USP37: variants seen among roughly 807,000 people sequenced by gnomAD.
The protein encoded by USP37 is ubiquitin specific peptidase 37.
USP37 carries 27 observed loss-of-function variants against 124.0 expected under a neutral mutation model. The observed-to-expected ratio is 0.22, with a 90% confidence interval of 0.16 to 0.30. The LOEUF (loss-of-function observed/expected upper bound fraction) is 0.30, where lower values mean the gene tolerates loss of function less well. USP37 is among the 10% of genes least tolerant of loss of function. USP37 has a pLI of 1.00. For synonymous variants in USP37, 365 were observed against 388.0 expected (o/e 0.94, Z 0.70); for missense variants, 889 against 1,140.4 (o/e 0.78, Z 3.17).
At chr2:218,537,648 G>A (rs526134) in intron 8 of USP37, among the ~76,000 whole-genome samples, 92,185 of 152,126 alleles carry the variant, frequency 0.61, 28,140 homozygotes, top group East Asian at 0.78. Context: ...AGATGTAGGT[G>A]ATATCAGGTA....
At chr2:218,478,080 T>G (rs1292017709) in intron 18 of USP37, among the ~76,000 whole-genome samples, 1 of 152,086 alleles carries the variant, frequency 6.6e-6, no homozygotes, top group African/African-American at 2.4e-5. Context: ...TTAACCTGAA[T>G]GTAAAAACTG....
At chr2:218,508,779 G>A (rs557578181) in intron 11 of USP37, among the ~76,000 whole-genome samples, 1 of 152,214 alleles carries the variant, frequency 6.6e-6, no homozygotes, top group Non-Finnish European at 1.5e-5. Flanking sequence ...AAAGGAGAGT[G>A]AATTGTTTTC....
At position 218,454,894 on chromosome 2, in the gene USP37, T is replaced by C. The variant is rs1182431622; in HGVS notation, c.*36A>G. On this transcript the variant is annotated 3_prime_UTR_variant, in exon 26 of 26. Coordinates refer to ENST00000258399, the MANE Select transcript of USP37 (RefSeq NM_020935.3). ...AGGTGAGGTGGGCAGCAGTAACAAA[T>C]ATGCAGTGCATGCTGCCAACCCAGG... is the stretch of plus-strand genomic sequence containing the variant. 1 of 1,607,660 alleles carries C rather than the reference T, an allele frequency of 6.2e-7. No individual in the cohort carries two copies. Among genetic ancestry groups the C allele is most frequent in the Non-Finnish European group, 8.5e-7 (1 of 1,178,244 alleles).
chr2:218,500,964 C>A (rs952668465), intron 11 of USP37: 1 of 165,982 alleles, frequency 6.0e-6, no homozygotes. Flanking sequence ...ACCCGCCTAG[C>A]CAGTCAGATC....
intron 23 of USP37, among the ~76,000 whole-genome samples, chr2:218,457,488 A>C (rs772382308): frequency 2.0e-5 from 3 of 152,192 alleles, no homozygotes; most frequent in Non-Finnish European, 2.9e-5. Context: ...GTTATATAAA[A>C]AAACTACATG....
At position 218,498,130 on chromosome 2, in the gene USP37, A is replaced by G; in HGVS notation, c.1053T>C (p.Tyr351=). Residue 351 remains tyrosine, a synonymous_variant, in exon 12 of 26, where the codon TAT becomes TAC. Coordinates refer to ENST00000258399, the MANE Select transcript of USP37 (RefSeq NM_020935.3). ...QGFSNLGNTC[Y]MNAILQSLFS... ...ATAGAGATTGTAGAATAGCATTCATATAGCAGGTATTTCCCAAATTGGAGA... is the reference window on the plus strand; with the variant it reads ...ATAGAGATTGTAGAATAGCATTCATGTAGCAGGTATTTCCCAAATTGGAGA... 1 of 1,595,528 alleles carries G rather than the reference A, an allele frequency of 6.3e-7. No individual in the cohort carries two copies. Among genetic ancestry groups the G allele is most frequent in the Non-Finnish European group, 8.5e-7 (1 of 1,175,690 alleles).
intron 13 of USP37, among the ~76,000 whole-genome samples, chr2:218,497,181 C>T (rs1002010822): frequency 2.0e-5 from 3 of 152,156 alleles, no homozygotes; most frequent in Non-Finnish European, 2.9e-5. Context: ...AGAGATTCTC[C>T]GGCCTCAGCT....
chr2:218,539,424 C>G (rs79813369), intron 8 of USP37, among the ~76,000 whole-genome samples: 2,755 of 152,172 alleles, frequency 0.018, 89 homozygotes, highest in African/African-American at 0.062. Flanking sequence ...GCATAAGATT[C>G]TTTTTATTGG....
intron 10 of USP37, among the ~76,000 whole-genome samples, chr2:218,523,959 G>A (rs1690806513): frequency 6.6e-6 from 1 of 152,092 alleles, no homozygotes; most frequent in South Asian, 2.1e-4. Context: ...TTAAGTTTTT[G>A]ACAGATAACT....
rs1692984586 is a variant in USP37 at position 218,556,506 on chromosome 2, T to TG, written c.156+1991_156+1992insC. Reference sequence around the variant, plus strand: ...TTTGGTTACTCTGGGTTTTTCTGTTTTTTTTTTTTTTTTTTTTTTTTTTTG... The same window carrying TG: ...TTTGGTTACTCTGGGTTTTTCTGTTTGTTTTTTTTTTTTTTTTTTTTTTTTG... On this transcript the variant is annotated intron_variant, in intron 4 of 25. Coordinates refer to ENST00000258399, the MANE Select transcript of USP37 (RefSeq NM_020935.3). Among the ~76,000 whole-genome samples, 6 of 128,700 alleles carry TG rather than the reference T, an allele frequency of 4.7e-5. No individual in the cohort carries two copies. In the Admixed American group the frequency reaches 4.7e-4, roughly 10 times the overall value. 84.4% of individuals were successfully genotyped at this position (128,700 alleles called of 152,430 possible). A position where few individuals can be genotyped will look rare whatever the true frequency, so the allele number is the denominator to read the frequency against.
intron 22 of USP37, among the ~76,000 whole-genome samples, chr2:218,461,273 C>T (rs1378715379): frequency 3.3e-5 from 5 of 151,826 alleles, no homozygotes; most frequent in African/African-American, 4.8e-5. Flanking sequence ...TTTGGGAGGC[C>T]GAGGCAGGTG....
At chr2:218,532,792 T>C (rs564349129) in intron 9 of USP37, among the ~76,000 whole-genome samples, 2 of 151,966 alleles carry the variant, frequency 1.3e-5, no homozygotes, top group South Asian at 4.2e-4. Flanking sequence ...TAGCTGGGCA[T>C]GGTGGTGTGC....
chr2:218,491,783 T>C (rs1688794023), intron 14 of USP37, among the ~76,000 whole-genome samples: 1 of 152,024 alleles, frequency 6.6e-6, no homozygotes, highest in South Asian at 2.1e-4. Flanking sequence ...AAAGAGGAAA[T>C]ACATAGTAGG....
chr2:218,478,716 T>C (rs766817588), intron 18 of USP37, among the ~76,000 whole-genome samples: 23 of 152,212 alleles, frequency 1.5e-4, no homozygotes, highest in Non-Finnish European at 2.8e-4. Flanking sequence ...CCTGTAGCAA[T>C]GAAAAATATT....
At chr2:218,515,881 A>G (rs1331908624) in intron 10 of USP37, among the ~76,000 whole-genome samples, 2 of 152,244 alleles carry the variant, frequency 1.3e-5, no homozygotes, top group African/African-American at 4.8e-5. Context: ...TGGGTGAAGG[A>G]TATGAACAGA....
At chr2:218,549,315 G>A (rs1692535907) in intron 6 of USP37, among the ~76,000 whole-genome samples, 1 of 152,074 alleles carries the variant, frequency 6.6e-6, no homozygotes, top group South Asian at 2.1e-4. Flanking sequence ...AGTGGACTAA[G>A]TGATCACCTC....
intron 8 of USP37, among the ~76,000 whole-genome samples, chr2:218,537,968 T>C (rs523305): frequency 0.66 from 100,778 of 152,110 alleles, 33,843 homozygotes; most frequent in East Asian, 0.9. Flanking sequence ...AGGAGCTAAG[T>C]GCTATCACAC....
intron 25 of USP37, 100 bp from the exon 26 acceptor site, chr2:218,455,117 C>G: frequency 7.4e-7 from 1 of 1,349,260 alleles, no homozygotes; most frequent in Non-Finnish European, 1.0e-6. Context: ...TGGATAAGGC[C>G]TTCACAATTC....
At chr2:218,506,870 C>T (rs143733906) in intron 11 of USP37, among the ~76,000 whole-genome samples, 5,880 of 151,782 alleles carry the variant, frequency 0.039, 373 homozygotes, top group African/African-American at 0.13. Flanking sequence ...GATCTCAGCT[C>T]ACTGCAACCT....
Sources: gnomAD v4.1 joint callset for allele counts (sites outside exome capture counted in the v4.1 genomes callset) on GRCh38, gnomAD v4.1.1 for gene constraint, MANE v1.5 for transcripts, NCBI Gene and HGNC (gene_info 2026-07-23, HGNC 2026-07-21) for gene names.